The following CACNG1 variants were observed in gnomAD, a reference collection of about 807,000 sequenced individuals.
The protein encoded by CACNG1 is voltage-dependent calcium channel gamma-1 subunit.
In CACNG1, 21 loss-of-function variants were observed where a neutral mutation model predicts 22.0. The ratio of observed to expected loss-of-function variants is 0.95; its 90% CI spans 0.68 to 1.37. The LOEUF is 1.37. CACNG1 is among the 40% of genes most tolerant of loss of function. The pLI is 0.00. For missense variants in CACNG1, 291 were observed against 308.6 expected, an observed-to-expected ratio of 0.94 and a Z score of 0.43; for synonymous variants, 127 against 129.2, an observed-to-expected ratio of 0.98 and a Z score of 0.12.
At position 67,044,645 on chromosome 17, in the gene CACNG1, C is replaced by A. The variant is rs377715475; in HGVS notation, c.-16C>A. 2 of 1,572,782 alleles carry A rather than the reference C, an allele frequency of 1.3e-6. No individual in the cohort carries two copies. The highest frequency in any genetic ancestry group is 1.1e-5 in the South Asian group (1 of 90,398). On this transcript the variant is annotated 5_prime_UTR_variant, in exon 1 of 4. Coordinates refer to ENST00000226021, the MANE Select transcript of CACNG1 (RefSeq NM_000727.4). This position sits in a 1 kb window ranked among gnomAD's most constrained non-coding sequence, Gnocchi z 6.9. ...CGCCGGACCCTGCCCAGGGCACCCACGCCTCGGCGACCACCATGTCCCAGA... is the reference window on the plus strand; with the variant it reads ...CGCCGGACCCTGCCCAGGGCACCCAAGCCTCGGCGACCACCATGTCCCAGA...
intron 1 of CACNG1, among the ~76,000 whole-genome samples, chr17:67,046,027 G>A (rs776825634): frequency 2.6e-5 from 4 of 152,220 alleles, no homozygotes; most frequent in Non-Finnish European, 5.9e-5. Context: ...TGCAAATGCA[G>A]AGGCTTCTGG....
In CACNG1 at chr17:67,056,476, A is replaced by T; in HGVS notation, c.*205A>T. On this transcript the variant is annotated 3_prime_UTR_variant, in exon 4 of 4. Transcript: ENST00000226021. The surrounding 1 kb of genome is among the most constrained non-coding windows in gnomAD (Gnocchi z 4.3). ...GGGAATAGAGCAAGACGTGAGTCCT[A>T]ACCTGGCCACAGTTGGGGGAGGCAG... 1.7e-6 allele frequency: 1 copy of T among 593,064 alleles called. No homozygotes were observed. The highest frequency in any genetic ancestry group is 3.0e-6 in the Non-Finnish European group (1 of 332,934). 36.7% of individuals were successfully genotyped at this position (593,064 alleles called of 1,614,324 possible). A position where few individuals can be genotyped will look rare whatever the true frequency, so the allele number is the denominator to read the frequency against.
Position 67,054,203 on chromosome 17 carries a change from A to G in CACNG1, c.304+133A>G. 1.4e-6 allele frequency: 1 copy of G among 724,392 alleles called. No individual in the cohort carries two copies. The highest frequency in any genetic ancestry group is 2.7e-5 in the East Asian group (1 of 37,332). The allele number at this position is 724,392 out of a possible 1,614,324, so 44.9% of individuals were successfully genotyped here. On this transcript the variant is annotated intron_variant, in intron 2 of 3. Coordinates refer to ENST00000226021, the MANE Select transcript of CACNG1 (RefSeq NM_000727.4). The surrounding 1 kb of genome is among the most constrained non-coding windows in gnomAD (Gnocchi z 4.6). ...GAGAAGAAGCCTGTGGTGCATTTGA[A>G]CAACAGCCTTGTCAGCTCCCCGCTC... is the stretch of plus-strand genomic sequence containing the variant.
rs775606926 is a variant in CACNG1, at chr17:67,055,196, G to C, written c.398G>C (p.Arg133Thr). Residue 133 changes from arginine (R) to threonine (T), a missense_variant, in exon 3 of 4, where the codon AGG (arginine) becomes ACG (threonine). Arg to Thr is a moderately conservative substitution (Grantham distance 71). Transcript: ENST00000226021. The surrounding 1 kb of genome is among the most constrained non-coding windows in gnomAD (Gnocchi z 4.5). Reference sequence around the variant, plus strand: ...GTCCTCCTGTCCCTCGGGAAGAAGAGGGACTATCTGCTGCGACCCGCGTCC... The same window carrying C: ...GTCCTCCTGTCCCTCGGGAAGAAGACGGACTATCTGCTGCGACCCGCGTCC... ...LCVLLSLGKK[R>T]DYLLRPASMF... 5 of 1,614,204 alleles carry C rather than the reference G, an allele frequency of 3.1e-6. No homozygotes were observed. Among genetic ancestry groups the C allele is most frequent in the Non-Finnish European group, 4.2e-6 (5 of 1,180,010 alleles).
chr17:67,046,994 C>CT (rs144629971), intron 1 of CACNG1, among the ~76,000 whole-genome samples: 18,293 of 152,148 alleles, frequency 0.12, 1,306 homozygotes, highest in South Asian at 0.17. Flanking sequence ...ATGTTCCTGC[C>CT]TTTTTCCCTC....
intron 1 of CACNG1, among the ~76,000 whole-genome samples, chr17:67,051,175 T>A (rs905803633): frequency 3.3e-5 from 5 of 152,164 alleles, no homozygotes; most frequent in African/African-American, 1.2e-4. Flanking sequence ...ATGTCCTTCC[T>A]CTTTACGTTG....
rs538457383 is a variant in CACNG1 at position 67,054,105 on chromosome 17, G to A, written c.304+35G>A. 10 of 1,550,550 alleles carry A rather than the reference G, an allele frequency of 6.4e-6. No homozygotes were observed. In the South Asian group the frequency reaches 8.9e-5, roughly 14 times the overall value. On this transcript the variant is annotated intron_variant, in intron 2 of 3. Transcript: ENST00000226021. This position sits in a 1 kb window ranked among gnomAD's most constrained non-coding sequence, Gnocchi z 4.6. ...GGTGGAAAGGGGTCTGGGGTGACAAGAGGGGACTTCTGTGTTGTGCACCAC... is the reference window on the plus strand; with the variant it reads ...GGTGGAAAGGGGTCTGGGGTGACAAAAGGGGACTTCTGTGTTGTGCACCAC...
rs1298670784 is a variant in CACNG1, at chr17:67,054,076, C to A, written c.304+6C>A. On this transcript the variant is annotated splice_donor_region_variant and intron_variant, in intron 2 of 3. Transcript: ENST00000226021. The surrounding 1 kb of genome is among the most constrained non-coding windows in gnomAD (Gnocchi z 4.6). ...CGAATTCACCACTCAGAAGGGTGAG[C>A]CTGGGTGGAAAGGGGTCTGGGGTGA... 1 of 1,612,342 alleles carries A rather than the reference C, an allele frequency of 6.2e-7. No homozygotes were observed. Among genetic ancestry groups the A allele is most frequent in the Admixed American group, 1.7e-5 (1 of 60,018 alleles).
rs779746872 is a variant in CACNG1 at position 67,055,059 on chromosome 17, C to G, written c.305-44C>G. ...GGTCCCTAACGAGCCATGACAAGAG[C>G]TCCCATGCTGAGGCCGCATGCTGGG... On this transcript the variant is annotated intron_variant, in intron 2 of 3. Transcript: ENST00000226021. The surrounding 1 kb of genome is among the most constrained non-coding windows in gnomAD (Gnocchi z 4.5). The G allele has an allele frequency of 6.3e-7, 1 of 1,588,462 alleles. No homozygotes were observed. The highest frequency in any genetic ancestry group is 8.6e-7 in the Non-Finnish European group (1 of 1,163,612).
Position 67,056,512 on chromosome 17 carries a change from T to G in CACNG1, c.*241T>G. ...AGTTGGGGGAGGCAGAGCCAGCAGG[T>G]GGACAGGTGTTTGCAGGGGCCCAAC... On this transcript the variant is annotated 3_prime_UTR_variant, in exon 4 of 4. Transcript: ENST00000226021. The surrounding 1 kb of genome is among the most constrained non-coding windows in gnomAD (Gnocchi z 4.3). 5 of 561,128 alleles carry G rather than the reference T, an allele frequency of 8.9e-6. No individual in the cohort carries two copies. The highest frequency in any genetic ancestry group is 1.6e-5 in the Non-Finnish European group (5 of 312,284). The allele number at this position is 561,128 out of a possible 1,614,324, so 34.8% of individuals were successfully genotyped here.
intron 1 of CACNG1, among the ~76,000 whole-genome samples, chr17:67,048,582 A>C (rs916669560): frequency 5.3e-5 from 8 of 152,208 alleles, no homozygotes; most frequent in African/African-American, 1.9e-4. Context: ...AGAAGTCAAT[A>C]GATCTGTAAG....
Position 67,054,125 on chromosome 17 carries a change from C to T in CACNG1, c.304+55C>T, listed in dbSNP as rs2035744174. The stretch of plus-strand genomic sequence containing the variant: ...GACAAGAGGGGACTTCTGTGTTGTG[C>T]ACCACTGGGCCAGAAAGTCATTGGC... On this transcript the variant is annotated intron_variant, in intron 2 of 3. Coordinates refer to ENST00000226021, the MANE Select transcript of CACNG1 (RefSeq NM_000727.4). The surrounding 1 kb of genome is among the most constrained non-coding windows in gnomAD (Gnocchi z 4.6). 7 of 1,372,550 alleles carry T rather than the reference C, an allele frequency of 5.1e-6. No individual in the cohort carries two copies. In the Admixed American group the frequency reaches 6.7e-5, roughly 13 times the overall value. 85.0% of individuals were successfully genotyped at this position (1,372,550 alleles called of 1,614,324 possible). A position where few individuals can be genotyped will look rare whatever the true frequency, so the allele number is the denominator to read the frequency against.
chr17:67,056,029 C>T lies in CACNG1; in HGVS notation c.443-16C>T. The T allele has an allele frequency of 1.2e-6, 2 of 1,604,118 alleles. No individual in the cohort carries two copies. The highest frequency in any genetic ancestry group is 1.7e-6 in the Non-Finnish European group (2 of 1,176,572). ...GACGCCCCTCGGTCCCTGAGCATGC[C>T]TGGCTCTGCCCCCAGGTCTCTGCAT... On this transcript the variant is annotated splice_polypyrimidine_tract_variant and intron_variant, in intron 3 of 3. Transcript: ENST00000226021. This position sits in a 1 kb window ranked among gnomAD's most constrained non-coding sequence, Gnocchi z 4.3.
chr17:67,051,120 C>T (rs142785447), intron 1 of CACNG1, among the ~76,000 whole-genome samples: 2 of 152,326 alleles, frequency 1.3e-5, no homozygotes, highest in Non-Finnish European at 2.9e-5. Flanking sequence ...AGGACCGTCA[C>T]GGTCCCTCTC....
Position 67,055,262 on chromosome 17 carries a change from A to T in CACNG1, c.442+22A>T. 6.2e-7 allele frequency: 1 copy of T among 1,604,448 alleles called. No individual in the cohort carries two copies. Among genetic ancestry groups the T allele is most frequent in the Non-Finnish European group, 8.5e-7 (1 of 1,172,980 alleles). On this transcript the variant is annotated intron_variant, in intron 3 of 3. Transcript: ENST00000226021. This position sits in a 1 kb window ranked among gnomAD's most constrained non-coding sequence, Gnocchi z 4.5. ...GCAGGTAGACTGGGGGATCTGCCTG[A>T]GCGCCGGGGCCGGGGGACCATGTCG...
At chr17:67,051,364 C>T (rs1287884302) in intron 1 of CACNG1, among the ~76,000 whole-genome samples, 1 of 152,148 alleles carries the variant, frequency 6.6e-6, no homozygotes, top group East Asian at 1.9e-4. Context: ...TGCCCCCACC[C>T]CTACAGGGGC....
chr17:67,047,385 G>A (rs1380803517), intron 1 of CACNG1, among the ~76,000 whole-genome samples: 1 of 152,182 alleles, frequency 6.6e-6, no homozygotes, highest in Non-Finnish European at 1.5e-5. Context: ...AGTGAGTTCT[G>A]TGGTGTTTTA....
chr17:67,051,116 G>A (rs941429699), intron 1 of CACNG1, among the ~76,000 whole-genome samples: 2 of 152,308 alleles, frequency 1.3e-5, no homozygotes, highest in South Asian at 2.1e-4. Flanking sequence ...GCACAGGACC[G>A]TCACGGTCCC....
At chr17:67,049,732 G>A (rs1480888939) in intron 1 of CACNG1, among the ~76,000 whole-genome samples, 1 of 152,136 alleles carries the variant, frequency 6.6e-6, no homozygotes, top group African/African-American at 2.4e-5. Flanking sequence ...TATTGTGCAT[G>A]AAAACACAGC....
Sources: gnomAD v4.1 joint callset for allele counts (sites outside exome capture counted in the v4.1 genomes callset) on GRCh38, gnomAD v4.1.1 for gene constraint, Gnocchi (gnomAD v3.1) non-coding constraint, MANE v1.5 for transcripts, NCBI Gene and HGNC (gene_info 2026-07-23, HGNC 2026-07-21) for gene names.